SLC7A11: variants seen among roughly 807,000 people sequenced by gnomAD.
SLC7A11 encodes solute carrier family 7 member 11, also known as cystine/glutamate transporter.
SLC7A11 carries 35 observed loss-of-function variants against 54.5 expected under a neutral mutation model. That is an observed-to-expected ratio of 0.64 (90% CI 0.49 to 0.85). The LOEUF is 0.85. Ranked by LOEUF, SLC7A11 falls within the 40% of genes least tolerant of loss-of-function variation. SLC7A11 has a pLI of 0.00. For synonymous variants in SLC7A11, 230 were observed against 225.2 expected, an observed-to-expected ratio of 1.02 and a Z score of -0.19; for missense variants, 583 against 618.1, an observed-to-expected ratio of 0.94 and a Z score of 0.60.
chr4:138,230,884 A>G (rs1738061221), intron 3 of SLC7A11, among the ~76,000 whole-genome samples: 1 of 152,180 alleles, frequency 6.6e-6, no homozygotes, highest in Non-Finnish European at 1.5e-5. Flanking sequence ...CACCAACAAC[A>G]TGCTAGGAGC....
chr4:138,172,085 G>T, intron 11 of SLC7A11, 68 bp from the exon 12 acceptor site: 3 of 1,476,346 alleles, frequency 2.0e-6, no homozygotes, highest in South Asian at 1.3e-5. Flanking sequence ...AGCAAAATAT[G>T]AATTATTTTG....
chr4:138,190,883 TACAGATGACTGAGAGCATCTGTAG>T (rs1225348478), intron 6 of SLC7A11, among the ~76,000 whole-genome samples: 2 of 152,164 alleles, frequency 1.3e-5, no homozygotes, highest in Non-Finnish European at 2.9e-5. Flanking sequence ...AAAATTGGAC[TACAGATGACTGAGAGCATCTGTAG>T]AAGAACACAC....
chr4:138,223,892 G>C (rs539132511), intron 3 of SLC7A11, among the ~76,000 whole-genome samples: 1 of 152,264 alleles, frequency 6.6e-6, no homozygotes, highest in East Asian at 1.9e-4. Context: ...CACCGTACAA[G>C]TATAGTTTTT....
At position 138,236,449 on chromosome 4, in the gene SLC7A11, C is replaced by T; in HGVS notation, c.280G>A (p.Ala94Thr). ...TVCGVLSLFGALSYAELGTTI... is the reference protein window; with the variant it reads ...TVCGVLSLFGTLSYAELGTTI... ...GTTCCCAATTCAGCATAAGACAAAG[C>T]TCCTGTGAAATATTTGTCACAAAAT... is the stretch of plus-strand genomic sequence containing the variant. The change falls in exon 2 of 12, where the codon GCT becomes ACT. Residue 94 changes from alanine to threonine, a missense_variant and splice_region_variant. Transcript: ENST00000280612. 6.2e-7 allele frequency: 1 copy of T among 1,601,732 alleles called. No homozygotes were observed. The highest frequency in any genetic ancestry group is 1.1e-5 in the South Asian group (1 of 88,194).
At chr4:138,211,107 G>T (rs1737534593) in intron 6 of SLC7A11, among the ~76,000 whole-genome samples, 1 of 151,972 alleles carries the variant, frequency 6.6e-6, no homozygotes, top group South Asian at 2.1e-4. Flanking sequence ...GATGCAGCTG[G>T]TGGCCATTAT....
At position 138,229,276 on chromosome 4, in the gene SLC7A11, T is replaced by C. The variant is rs117735309; in HGVS notation, c.520+2991A>G. Among the ~76,000 whole-genome samples the C allele has an allele frequency of 9.9e-4, 151 of 152,296 alleles. 1 individual carries two copies. The East Asian group carries it at 0.027, about 28-fold the overall frequency. On this transcript the variant is annotated intron_variant, in intron 3 of 11. Coordinates refer to ENST00000280612, the MANE Select transcript of SLC7A11 (RefSeq NM_014331.4). Reference sequence around the variant, plus strand: ...AAGCAGGGTGTGAGAGATTTGCCCCTAGATAAATTTCTCCTTCTCTATCTC... The same window carrying C: ...AAGCAGGGTGTGAGAGATTTGCCCCCAGATAAATTTCTCCTTCTCTATCTC...
In SLC7A11 at chr4:138,168,735, TA is replaced by T. The variant is rs1736331477; in HGVS notation, c.*3220del. 1 of 152,196 alleles carries T rather than the reference TA, an allele frequency of 6.6e-6. No individual in the cohort carries two copies. The highest frequency in any genetic ancestry group is 1.5e-5 in the Non-Finnish European group (1 of 68,030). The allele number at this position is 152,196 out of a possible 1,614,324, so 9.4% of individuals were successfully genotyped here. Reference sequence around the variant, plus strand: ...TCCACAGGGCTGAGGAGCTACAGTCTAAATGCATACGCATGTTGGGAACCGA... The same window carrying T: ...TCCACAGGGCTGAGGAGCTACAGTCTAATGCATACGCATGTTGGGAACCGA... On this transcript the variant is annotated 3_prime_UTR_variant, in exon 12 of 12. Transcript: ENST00000280612.
At position 138,169,229 on chromosome 4, in the gene SLC7A11, T is replaced by C. The variant is rs920032654; in HGVS notation, c.*2727A>G. On this transcript the variant is annotated 3_prime_UTR_variant, in exon 12 of 12. Transcript: ENST00000280612. ...AAAAATATGAGAAAAATTTTACTTA[T>C]ATAAAAACATATATATAAATAAGTG... The C allele has an allele frequency of 6.6e-6, 1 of 152,018 alleles. No homozygotes were observed. The highest frequency in any genetic ancestry group is 6.6e-5 in the Admixed American group (1 of 15,244). The allele number at this position is 152,018 out of a possible 1,614,324, so 9.4% of individuals were successfully genotyped here. A position where few individuals can be genotyped will look rare whatever the true frequency, so the allele number is the denominator to read the frequency against.
chr4:138,185,282 T>C (rs1736848510), intron 6 of SLC7A11, 38 bp from the exon 7 acceptor site: 1 of 1,606,616 alleles, frequency 6.2e-7, no homozygotes, highest in Non-Finnish European at 8.5e-7. Flanking sequence ...CATTATCTTT[T>C]GTTAGCCATT....
intron 8 of SLC7A11, 118 bp downstream of exon 8, chr4:138,183,084 A>G (rs1420900697): frequency 1.4e-6 from 1 of 694,844 alleles, no homozygotes; most frequent in Admixed American, 2.5e-5. Flanking sequence ...TCAATCTTGC[A>G]TGTCCCTTTA....
At chr4:138,210,317 T>C (rs768805353) in intron 6 of SLC7A11, among the ~76,000 whole-genome samples, 1 of 151,978 alleles carries the variant, frequency 6.6e-6, no homozygotes, top group South Asian at 2.1e-4. Flanking sequence ...GAAGTACCAC[T>C]ACAGACATTG....
At chr4:138,200,517 T>C (rs1040357759) in intron 6 of SLC7A11, among the ~76,000 whole-genome samples, 7 of 152,160 alleles carry the variant, frequency 4.6e-5, no homozygotes, top group South Asian at 2.1e-4. Context: ...AGGTCACTTC[T>C]AATGATTACA....
rs998284587 is a variant in SLC7A11 at position 138,168,029 on chromosome 4, A to C, written c.*3927T>G. 6.6e-6 allele frequency: 1 copy of C among 152,186 alleles called. No homozygotes were observed. Among genetic ancestry groups the C allele is most frequent in the Non-Finnish European group, 1.5e-5 (1 of 68,028 alleles). The allele number at this position is 152,186 out of a possible 1,614,324, so 9.4% of individuals were successfully genotyped here. The stretch of plus-strand genomic sequence containing the variant: ...TATGGATATTTCAATTAACTCATAA[A>C]TTTTTAAAAACATATCCTCCATACT... On this transcript the variant is annotated 3_prime_UTR_variant, in exon 12 of 12. Coordinates refer to ENST00000280612, the MANE Select transcript of SLC7A11 (RefSeq NM_014331.4).
intron 6 of SLC7A11, among the ~76,000 whole-genome samples, chr4:138,207,734 G>A (rs1045194896): frequency 6.6e-6 from 1 of 151,970 alleles, no homozygotes; most frequent in Admixed American, 6.6e-5. Context: ...AAGAAAGCAA[G>A]CCGCATTCCC....
At chr4:138,226,970 T>C (rs957700766) in intron 3 of SLC7A11, among the ~76,000 whole-genome samples, 3 of 152,176 alleles carry the variant, frequency 2.0e-5, no homozygotes, top group Non-Finnish European at 4.4e-5. Flanking sequence ...AGAACTGAAA[T>C]GTGGCAATGG....
intron 4 of SLC7A11, among the ~76,000 whole-genome samples, chr4:138,219,941 C>CTTTTT (rs5862370): frequency 6.3e-5 from 9 of 143,524 alleles, no homozygotes; most frequent in African/African-American, 5.2e-5. Context: ...GCAAGCCTTT[C>CTTTTT]TTTTTTTATT....
At position 138,241,829 on chromosome 4, in the gene SLC7A11, T is replaced by C; in HGVS notation, c.241A>G (p.Thr81Ala). 1 of 1,614,004 alleles carries C rather than the reference T, an allele frequency of 6.2e-7. No homozygotes were observed. Among genetic ancestry groups the C allele is most frequent in the Non-Finnish European group, 8.5e-7 (1 of 1,180,000 alleles). ...QNTGSVGMSL[T>A]IWTVCGVLSL... ...AGGACCCCACACACCGTCCAGATGG[T>C]CAGAGACATGCCCACGCTGCCCGTG... The change falls in exon 1 of 12, where the codon ACC becomes GCC. Residue 81 changes from threonine to alanine, a missense_variant. Coordinates refer to ENST00000280612, the MANE Select transcript of SLC7A11 (RefSeq NM_014331.4).
At chr4:138,200,350 C>T (rs1024021555) in intron 6 of SLC7A11, among the ~76,000 whole-genome samples, 3 of 152,162 alleles carry the variant, frequency 2.0e-5, no homozygotes, top group Non-Finnish European at 4.4e-5. Context: ...AAATGACCTT[C>T]AGTAAACGAC....
chr4:138,223,129 C>G, intron 4 of SLC7A11, 70 bp downstream of exon 4: 1 of 1,416,980 alleles, frequency 7.1e-7, no homozygotes, highest in South Asian at 1.2e-5. Context: ...TTAGTACAAG[C>G]AAAAGTTAGT....
Sources: gnomAD v4.1 joint callset for allele counts (sites outside exome capture counted in the v4.1 genomes callset) on GRCh38, gnomAD v4.1.1 for gene constraint, MANE v1.5 for transcripts, NCBI Gene and HGNC (gene_info 2026-07-23, HGNC 2026-07-21) for gene names.